The following PBK variants were observed in gnomAD, a reference collection of about 807,000 sequenced individuals.
PBK encodes the protein PDZ binding kinase, also known as lymphokine-activated killer T-cell-originated protein kinase.
A neutral mutation model predicts 33.5 loss-of-function variants in PBK; 22 were observed. The ratio of observed to expected loss-of-function variants is 0.66; its 90% CI spans 0.47 to 0.94. The LOEUF (loss-of-function observed/expected upper bound fraction) is 0.94. Ranked by LOEUF, PBK falls within the 40% of genes least tolerant of loss-of-function variation. PBK has a pLI of 0.00. For synonymous variants in PBK, 129 were observed against 123.8 expected (o/e 1.04, Z -0.28); for missense variants, 376 against 383.4 (o/e 0.98, Z 0.16).
At chr8:27,829,443 C>T (rs1333642761) in intron 2 of PBK, among the ~76,000 whole-genome samples, 1 of 152,132 alleles carries the variant, frequency 6.6e-6, no homozygotes, top group African/African-American at 2.4e-5. Context: ...TAACCTCAGA[C>T]CATAACTAAA....
Position 27,820,558 on chromosome 8 carries a change from A to G in PBK, c.595+7T>C. The G allele has an allele frequency of 1.9e-6, 3 of 1,539,230 alleles. No individual in the cohort carries two copies. The highest frequency in any genetic ancestry group is 2.3e-5 in the East Asian group (1 of 43,726). On this transcript the variant is annotated splice_region_variant and intron_variant, in intron 6 of 7. Coordinates refer to ENST00000301905, the MANE Select transcript of PBK (RefSeq NM_018492.4). ...ACAAAATTTTAAAACTTAAGAGTACAACTTACCAGTCATATTTTCATCCAG... is the reference window on the plus strand; with the variant it reads ...ACAAAATTTTAAAACTTAAGAGTACGACTTACCAGTCATATTTTCATCCAG...
chr8:27,814,244 C>A (rs1366689878), intron 6 of PBK, among the ~76,000 whole-genome samples: 1 of 152,044 alleles, frequency 6.6e-6, no homozygotes, highest in Non-Finnish European at 1.5e-5. Flanking sequence ...ATTTCCTTTT[C>A]TTCCTATATT....
intron 5 of PBK, among the ~76,000 whole-genome samples, chr8:27,821,380 A>C (rs1056728910): frequency 2.0e-5 from 3 of 152,148 alleles, no homozygotes; most frequent in African/African-American, 7.2e-5. Flanking sequence ...CTCCTGCCTC[A>C]GCCTCCCGAG....
intron 4 of PBK, 138 bp from the exon 5 acceptor site, chr8:27,822,626 C>T: frequency 1.8e-6 from 1 of 559,140 alleles, no homozygotes; most frequent in Non-Finnish European, 3.0e-6. Flanking sequence ...ATTTACAAGA[C>T]TAATTCAGTA....
At chr8:27,832,673 T>A (rs1239704053) in intron 2 of PBK, among the ~76,000 whole-genome samples, 3 of 152,222 alleles carry the variant, frequency 2.0e-5, no homozygotes, top group Non-Finnish European at 2.9e-5. Flanking sequence ...GGTCAAGGCT[T>A]ATTTTTTGCA....
chr8:27,818,818 C>T (rs1458927200), intron 6 of PBK, among the ~76,000 whole-genome samples: 3 of 152,124 alleles, frequency 2.0e-5, no homozygotes, highest in Admixed American at 6.5e-5. Flanking sequence ...GTCCTCTCCA[C>T]AGCCAACATT....
At position 27,833,045 on chromosome 8, in the gene PBK, T is replaced by C; in HGVS notation, c.58+11A>G. ...ATAGTAAAAAAAAAAATCTTACATCTGCTATCTTACCAGATTTCTTTTTTT... is the reference window on the plus strand; with the variant it reads ...ATAGTAAAAAAAAAAATCTTACATCCGCTATCTTACCAGATTTCTTTTTTT... On this transcript the variant is annotated intron_variant, in intron 2 of 7. Transcript: ENST00000301905. 5 of 1,515,610 alleles carry C rather than the reference T, an allele frequency of 3.3e-6. No individual in the cohort carries two copies. Among genetic ancestry groups the C allele is most frequent in the Non-Finnish European group, 4.5e-6 (5 of 1,103,900 alleles). The allele number at this position is 1,515,610 out of a possible 1,614,324, so 93.9% of individuals were successfully genotyped here. A position where few individuals can be genotyped will look rare whatever the true frequency, so the allele number is the denominator to read the frequency against.
chr8:27,828,800 T>C (rs945780428), intron 2 of PBK, among the ~76,000 whole-genome samples: 1 of 143,828 alleles, frequency 7.0e-6, no homozygotes, highest in Non-Finnish European at 1.5e-5. Context: ...CTTCTGCTCA[T>C]GAAAAATAAT....
intron 6 of PBK, chr8:27,811,379 A>T (rs1371610045): frequency 1.7e-6 from 1 of 580,412 alleles, no homozygotes; most frequent in Non-Finnish European, 3.1e-6. Context: ...AATTAGTAGG[A>T]ATATAGAATG....
At chr8:27,830,391 ATAAC>A (rs1445930487) in intron 2 of PBK, among the ~76,000 whole-genome samples, 3 of 152,222 alleles carry the variant, frequency 2.0e-5, no homozygotes, top group African/African-American at 7.2e-5. Context: ...GAGCAGAAGA[ATAAC>A]TAAATCTTAA....
Position 27,833,997 on chromosome 8 carries a change from C to A in PBK, c.-20-864G>T, listed in dbSNP as rs926632319. On this transcript the variant is annotated intron_variant, in intron 1 of 7. Coordinates refer to ENST00000301905, the MANE Select transcript of PBK (RefSeq NM_018492.4). ...AAACATTATACTAAATGAAAGAAGCCAGACACATAAAGGCTACATATATGA... is the reference window on the plus strand; with the variant it reads ...AAACATTATACTAAATGAAAGAAGCAAGACACATAAAGGCTACATATATGA... Among the ~76,000 whole-genome samples the A allele has an allele frequency of 2.7e-5, 4 of 150,116 alleles. No individual in the cohort carries two copies. In the East Asian group the frequency reaches 7.8e-4, roughly 29 times the overall value.
At chr8:27,816,351 ATATATATTTATT>A (rs1217307897) in intron 6 of PBK, among the ~76,000 whole-genome samples, 1 of 141,898 alleles carries the variant, frequency 7.0e-6, no homozygotes, top group Non-Finnish European at 1.5e-5. Context: ...TACTATATAT[ATATATATTTATT>A]TATTTATTTA....
chr8:27,828,126 AC>A lies in PBK; in HGVS notation c.130del (p.Val44Ter), dbSNP rs745360327. 1.9e-6 allele frequency: 3 copies of A among 1,554,610 alleles called. No individual in the cohort carries two copies. Among genetic ancestry groups the A allele is most frequent in the African/African-American group, 2.7e-5 (2 of 73,756 alleles). ...TTACCTTTTCATTAGGTACACATTT[AC>A]CCCAGTACCAAAGCCAAGCTTCTGC... Reference protein sequence around the residue: ...FMQKLGFGTGVNVYLMKRSPR... With the variant: ...FMQKLGFGTGXNVYLMKRSPR... On this transcript the variant is annotated frameshift_variant, in exon 3 of 8. Transcript: ENST00000301905. LOFTEE classifies it high-confidence loss of function.
intron 3 of PBK, among the ~76,000 whole-genome samples, chr8:27,824,091 A>G (rs1259631846): frequency 6.6e-6 from 1 of 152,108 alleles, no homozygotes; most frequent in East Asian, 1.9e-4. Flanking sequence ...AAAAGCCTAT[A>G]CTAAAAGGAT....
chr8:27,832,948 T>C (rs1806156450), intron 2 of PBK, 108 bp downstream of exon 2: 3 of 650,290 alleles, frequency 4.6e-6, no homozygotes, highest in Non-Finnish European at 7.9e-6. Flanking sequence ...GGGAGTTACA[T>C]TAAAGTTTCT....
At chr8:27,836,695 T>C (rs1354937878) in intron 1 of PBK, among the ~76,000 whole-genome samples, 1 of 152,094 alleles carries the variant, frequency 6.6e-6, no homozygotes, top group African/African-American at 2.4e-5. Context: ...CACTGCCTTT[T>C]CCCGCTCACT....
chr8:27,829,765 G>A (rs1463142613), intron 2 of PBK, among the ~76,000 whole-genome samples: 2 of 152,062 alleles, frequency 1.3e-5, no homozygotes, highest in African/African-American at 2.4e-5. Context: ...TACTCGGGAG[G>A]CTGAGGCAGG....
At chr8:27,819,648 T>C (rs948264076) in intron 6 of PBK, among the ~76,000 whole-genome samples, 1 of 152,158 alleles carries the variant, frequency 6.6e-6, no homozygotes, top group African/African-American at 2.4e-5. Context: ...ATAAATATTA[T>C]GGTGCAGAGG....
intron 4 of PBK, 45 bp downstream of exon 4, chr8:27,823,018 T>A (rs760801694): frequency 6.0e-6 from 8 of 1,324,630 alleles, no homozygotes; most frequent in Non-Finnish European, 8.6e-6. Context: ...TGTTTCTGAA[T>A]AAACAAAATA....
Sources: gnomAD v4.1 joint callset for allele counts (sites outside exome capture counted in the v4.1 genomes callset) on GRCh38, gnomAD v4.1.1 for gene constraint, MANE v1.5 for transcripts, NCBI Gene and HGNC (gene_info 2026-07-23, HGNC 2026-07-21) for gene names.